The following XPA variants were observed in gnomAD, a reference collection of about 807,000 sequenced individuals.
XPA encodes XPA, DNA damage recognition and repair factor, also known as DNA repair protein complementing XP-A cells.
Under a neutral mutation model 35.7 loss-of-function variants are expected in XPA, and 27 were observed. The observed-to-expected ratio is 0.76, with a 90% CI of 0.56 to 1.04. XPA has a LOEUF of 1.04. XPA is among the 50% of genes least tolerant of loss of function. The probability of loss-of-function intolerance (pLI) is 0.00; values close to 1 mark genes in which losing one functional copy is unlikely to be tolerated. For synonymous variants in XPA, 133 were observed against 118.4 expected (o/e 1.12, Z -0.80); for missense variants, 354 against 342.7 (o/e 1.03, Z -0.26).
At chr9:97,662,298 A>G in the XPA span, among the ~76,000 whole-genome samples, 53 of 152,346 alleles carry the variant, frequency 3.5e-4, no homozygotes, top group Non-Finnish European at 3.5e-4. Flanking sequence ...GCTGAAATCC[A>G]TATCCTAAGG....
chr9:97,693,718 C>T lies in XPA; in HGVS notation c.214G>A (p.Gly72Arg). 6.2e-7 allele frequency: 1 copy of T among 1,613,424 alleles called. No individual in the cohort carries two copies. The highest frequency in any genetic ancestry group is 8.5e-7 in the Non-Finnish European group (1 of 1,179,922). Residue 72 changes from glycine (G) to arginine (R), a missense_variant, in exon 2 of 6, where the codon GGA (glycine) becomes AGA (arginine). Coordinates refer to ENST00000375128, the MANE Select transcript of XPA (RefSeq NM_000380.4). ...TCCTCTTCTAAAATGAAGCCTCCTC[C>T]TGTGTCAATTATCTTTGGGGCTGCT... Reference protein sequence around the residue: ...VKAAPKIIDTGGGFILEEEEE... With the variant: ...VKAAPKIIDTRGGFILEEEEE...
In XPA at chr9:97,693,698, T is replaced by C. The variant is rs144543144; in HGVS notation, c.234A>G (p.Glu78=). Residue 78 remains glutamate (E), a synonymous_variant, in exon 2 of 6, where the codon GAA becomes GAG. Transcript: ENST00000375128. ...IIDTGGGFIL[E]EEEEEEQKIG... Reference sequence around the variant, plus strand: ...TTTTCTGTTCTTCTTCTTCTTCCTCTTCTAAAATGAAGCCTCCTCCTGTGT... The same window carrying C: ...TTTTCTGTTCTTCTTCTTCTTCCTCCTCTAAAATGAAGCCTCCTCCTGTGT... The C allele has an allele frequency of 8.1e-5, 130 of 1,613,596 alleles. 1 individual carries two copies. The African/African-American group carries it at 1.4e-3, about 17-fold the overall frequency.
chr9:97,666,907 A>G, the XPA span: 2 of 1,426,966 alleles, frequency 1.4e-6, no homozygotes, highest in South Asian at 2.6e-5. Context: ...GTAAGTAGTT[A>G]AAGAAAATAT....
At chr9:97,664,286 T>C in the XPA span, 44 of 1,141,334 alleles carry the variant, frequency 3.9e-5, no homozygotes, top group African/African-American at 2.5e-4. Flanking sequence ...GTGGCACATA[T>C]ATATGTGTGT....
Position 97,685,003 on chromosome 9 carries a change from T to G in XPA, c.593A>C (p.Glu198Ala). 9 of 1,613,758 alleles carry G rather than the reference T, an allele frequency of 5.6e-6. No homozygotes were observed. The highest frequency in any genetic ancestry group is 7.6e-6 in the Non-Finnish European group (9 of 1,179,872). ...GACTTCCTTTGCTTCTTCTAATGCT[T>G]CTTGACTACCCCAAACTTCAAGAGA... The part of the protein sequence containing the change: ...KRSLEVWGSQ[E>A]ALEEAKEVRQ... The change falls in exon 5 of 6, where the codon GAA (glutamate) becomes GCA (alanine). Residue 198 changes from glutamate to alanine, a missense_variant. By Grantham distance (107) the Glu-to-Ala change is moderately radical. Coordinates refer to ENST00000375128, the MANE Select transcript of XPA (RefSeq NM_000380.4).
chr9:97,668,399 C>T, the XPA span, among the ~76,000 whole-genome samples: 2 of 152,160 alleles, frequency 1.3e-5, no homozygotes, highest in Non-Finnish European at 2.9e-5. Context: ...TCTTAAACAG[C>T]CCACTTTGAA....
At chr9:97,670,540 G>A (rs551682454), downstream of XPA, among the ~76,000 whole-genome samples, 12 of 152,120 alleles carry the variant, frequency 7.9e-5, no homozygotes, top group African/African-American at 2.9e-4. Flanking sequence ...GTCACTCTAA[G>A]TTCAATTCTT....
At chr9:97,658,854 T>C in the XPA span, 1 of 798,154 alleles carries the variant, frequency 1.3e-6, no homozygotes, top group Non-Finnish European at 2.1e-6. Flanking sequence ...GGGGTTTATA[T>C]TTCCTGTATT....
chr9:97,671,301 C>T, downstream of XPA: 1 of 832,978 alleles, frequency 1.2e-6, no homozygotes, highest in East Asian at 2.6e-5. Flanking sequence ...TATCCTTTCA[C>T]TTCTTAAAGG....
At chr9:97,670,001 C>T (rs1293931380), downstream of XPA, 1 of 430,094 alleles carries the variant, frequency 2.3e-6, no homozygotes, top group Non-Finnish European at 4.4e-6. Flanking sequence ...CAGCTCACTG[C>T]AACCTCCACC....
At chr9:97,691,487 A>C (rs1349817962) in intron 2 of XPA, among the ~76,000 whole-genome samples, 1 of 152,138 alleles carries the variant, frequency 6.6e-6, no homozygotes, top group Non-Finnish European at 1.5e-5. Flanking sequence ...GGATCACTTG[A>C]GTCCAGGAGT....
rs770101529 is a variant in XPA at position 97,675,590 on chromosome 9, G to GA, written c.674-4dup. The stretch of plus-strand genomic sequence containing the variant: ...GCTTCTTACTGCTCGCCGCAATTCT[G>GA]AAAAAAAAATTTTAAAGTCATCTTT... On this transcript the variant is annotated splice_region_variant and splice_polypyrimidine_tract_variant and intron_variant, in intron 5 of 5. Coordinates refer to ENST00000375128, the MANE Select transcript of XPA (RefSeq NM_000380.4). 212 of 1,611,726 alleles carry GA rather than the reference G, an allele frequency of 1.3e-4. No individual in the cohort carries two copies. The highest frequency in any genetic ancestry group is 1.2e-3 in the South Asian group (108 of 91,028).
intron 5 of XPA, among the ~76,000 whole-genome samples, chr9:97,680,496 G>C (rs1828506212): frequency 6.6e-6 from 1 of 152,128 alleles, no homozygotes; most frequent in South Asian, 2.1e-4. Context: ...GAAGTGTTGG[G>C]ATTACAGGCA....
the XPA span, chr9:97,662,852 T>C: frequency 6.1e-6 from 5 of 824,140 alleles, no homozygotes; most frequent in South Asian, 1.8e-5. Flanking sequence ...TTTGCATTTA[T>C]ATATTGCATT....
chr9:97,690,948 G>C (rs147399557), intron 2 of XPA, among the ~76,000 whole-genome samples: 23 of 152,330 alleles, frequency 1.5e-4, no homozygotes, highest in African/African-American at 5.3e-4. Flanking sequence ...CTATGATAAG[G>C]ATAATATATT....
At position 97,697,284 on chromosome 9, in the gene XPA, C is replaced by T. The variant is rs752858206; in HGVS notation, c.9G>A (p.Ala3=). The T allele has an allele frequency of 6.3e-6, 10 of 1,598,478 alleles. No individual in the cohort carries two copies. The highest frequency in any genetic ancestry group is 8.5e-6 in the Non-Finnish European group (10 of 1,179,212). ...CCGCCTCCGGCAAAGCCCCGTCGGC[C>T]GCCGCCATCTCTGGCCCACTCCGAG... MA[A]ADGALPEAAA... is the part of the protein sequence containing the mutation. The change falls in exon 1 of 6, where the codon GCG becomes GCA. Residue 3 remains alanine (A), a synonymous_variant. Coordinates refer to ENST00000375128, the MANE Select transcript of XPA (RefSeq NM_000380.4).
chr9:97,662,902 A>G, the XPA span: 1 of 1,345,020 alleles, frequency 7.4e-7, no homozygotes, highest in Non-Finnish European at 1.0e-6. Flanking sequence ...AAAACACTAA[A>G]ATGTTTAATG....
intron 5 of XPA, among the ~76,000 whole-genome samples, chr9:97,684,662 T>C (rs1256160959): frequency 1.3e-5 from 2 of 152,192 alleles, no homozygotes; most frequent in Non-Finnish European, 2.9e-5. Flanking sequence ...ATACCACTCC[T>C]GATCCTCACA....
chr9:97,680,674 T>C (rs540119215), intron 5 of XPA, among the ~76,000 whole-genome samples: 15 of 152,324 alleles, frequency 9.8e-5, no homozygotes, highest in Non-Finnish European at 1.5e-4. Flanking sequence ...AAATTTAAGA[T>C]AAATACTTTT....
Sources: gnomAD v4.1 joint callset for allele counts (sites outside exome capture counted in the v4.1 genomes callset) on GRCh38, gnomAD v4.1.1 for gene constraint, MANE v1.5 for transcripts, NCBI Gene and HGNC (gene_info 2026-07-23, HGNC 2026-07-21) for gene names.